ZMAT5: variants seen among roughly 807,000 people sequenced by gnomAD.
The protein encoded by ZMAT5 is zinc finger matrin-type protein 5.
A neutral mutation model predicts 28.0 loss-of-function variants in ZMAT5; 23 were observed. The ratio of observed to expected loss-of-function variants is 0.82; its 90% CI spans 0.59 to 1.16. ZMAT5 has a LOEUF of 1.16. Ranked by LOEUF, ZMAT5 falls within the 50% of genes most tolerant of loss-of-function variation. The probability of loss-of-function intolerance (pLI) is 0.00; values close to 1 mark genes in which losing one functional copy is unlikely to be tolerated. For missense variants in ZMAT5, 173 were observed against 212.7 expected (o/e 0.81, Z 1.16); for synonymous variants, 76 against 84.1 (o/e 0.90, Z 0.52).
intron 5 of ZMAT5, 35 bp downstream of exon 5, chr22:29,738,295 G>A (rs756869229): frequency 6.3e-7 from 1 of 1,588,196 alleles, no homozygotes; most frequent in Non-Finnish European, 8.6e-7. Flanking sequence ...TTGCCCCCAG[G>A]GGGCACAGCG....
intron 5 of ZMAT5, among the ~76,000 whole-genome samples, chr22:29,736,150 G>A (rs2067902191): frequency 6.6e-6 from 1 of 152,230 alleles, no homozygotes; most frequent in South Asian, 2.1e-4. Context: ...AGCTTTCTGG[G>A]CAGCCTCCAA....
intron 1 of ZMAT5, among the ~76,000 whole-genome samples, chr22:29,762,469 A>G (rs1260710714): frequency 1.3e-5 from 2 of 152,232 alleles, no homozygotes; most frequent in African/African-American, 4.8e-5. Flanking sequence ...CATTGCTCGC[A>G]TTACCGCCTG....
intron 1 of ZMAT5, among the ~76,000 whole-genome samples, chr22:29,752,197 G>A (rs937595501): frequency 2.0e-5 from 3 of 152,168 alleles, no homozygotes; most frequent in African/African-American, 2.4e-5. Flanking sequence ...GGTCTGCCAG[G>A]AAAGCCTGTC....
Position 29,758,116 on chromosome 22 carries a change from G to A in ZMAT5, c.-28+8756C>T, listed in dbSNP as rs567828099. Among the ~76,000 whole-genome samples, 506 of 152,246 alleles carry A rather than the reference G, an allele frequency of 3.3e-3. 2 individuals are homozygous for A. Among genetic ancestry groups the A allele is most frequent in the Non-Finnish European group, 4.6e-3 (314 of 68,032 alleles). Reference sequence around the variant, plus strand: ...GCCACACTGTGAGCAGCCCTGCAGGGTGGCCCACGTGGCAAGGAACTGAGA... The same window carrying A: ...GCCACACTGTGAGCAGCCCTGCAGGATGGCCCACGTGGCAAGGAACTGAGA... On this transcript the variant is annotated intron_variant, in intron 1 of 5. Transcript: ENST00000344318.
At chr22:29,735,434 C>T (rs1296294922) in intron 5 of ZMAT5, among the ~76,000 whole-genome samples, 1 of 152,188 alleles carries the variant, frequency 6.6e-6, no homozygotes, top group Non-Finnish European at 1.5e-5. Context: ...AGACCCCCTA[C>T]AGCCAAGGTG....
chr22:29,733,823 C>T (rs2067877647), intron 5 of ZMAT5, among the ~76,000 whole-genome samples: 1 of 152,220 alleles, frequency 6.6e-6, no homozygotes, highest in Non-Finnish European at 1.5e-5. Flanking sequence ...CCCTGCCTGC[C>T]CTGAGGTCCC....
chr22:29,745,848 T>A (rs1055739031), intron 2 of ZMAT5, among the ~76,000 whole-genome samples: 3 of 152,246 alleles, frequency 2.0e-5, no homozygotes, highest in Non-Finnish European at 4.4e-5. Flanking sequence ...GTCCCTGCGG[T>A]TGCTCAGAGT....
chr22:29,741,265 TG>T (rs1244255675), intron 3 of ZMAT5, among the ~76,000 whole-genome samples: 2 of 152,132 alleles, frequency 1.3e-5, no homozygotes, highest in African/African-American at 4.8e-5. Context: ...GAGACCAAAA[TG>T]TATGTCGAGA....
chr22:29,738,206 G>C (rs2067925305), intron 5 of ZMAT5, 124 bp downstream of exon 5: 2 of 908,848 alleles, frequency 2.2e-6, no homozygotes, highest in Non-Finnish European at 3.3e-6. Context: ...GCTATGTGTA[G>C]GCAACTTTAT....
At chr22:29,733,905 CAAAGCCT>C (rs1036081438) in intron 5 of ZMAT5, among the ~76,000 whole-genome samples, 10 of 152,228 alleles carry the variant, frequency 6.6e-5, no homozygotes, top group African/African-American at 2.4e-4. Flanking sequence ...ACACGTGAGC[CAAAGCCT>C]TGGGGACATT....
At chr22:29,738,888 G>T (rs562885894) in intron 4 of ZMAT5, among the ~76,000 whole-genome samples, 1 of 152,186 alleles carries the variant, frequency 6.6e-6, no homozygotes, top group African/African-American at 2.4e-5. Context: ...GTGGGTGCCT[G>T]TAATCCCAGC....
At chr22:29,764,094 T>C (rs1383209972) in intron 1 of ZMAT5, among the ~76,000 whole-genome samples, 1 of 151,602 alleles carries the variant, frequency 6.6e-6, no homozygotes, top group Non-Finnish European at 1.5e-5. Flanking sequence ...CCAGGAATTA[T>C]GTGCCACTGT....
At position 29,738,390 on chromosome 22, in the gene ZMAT5, C is replaced by A. The variant is rs1217044407; in HGVS notation, c.323G>T (p.Gly108Val). ...CTTCTCCAGCCAGTCCTCCAGATGG[C>A]CCTCGGGGAGCTCAGGAGCATCTAG... ...WLLDAPELPE[G>V]HLEDWLEKRA... is the part of the protein sequence containing the mutation. The change falls in exon 5 of 6, where the codon GGC (glycine) becomes GTC (valine). Residue 108 changes from glycine to valine, a missense_variant. Coordinates refer to ENST00000344318, the MANE Select transcript of ZMAT5 (RefSeq NM_001003692.2). 6.2e-7 allele frequency: 1 copy of A among 1,610,226 alleles called. No homozygotes were observed.
chr22:29,755,379 G>GAA (rs1195889734), intron 1 of ZMAT5, among the ~76,000 whole-genome samples: 1 of 144,736 alleles, frequency 6.9e-6, no homozygotes, highest in Non-Finnish European at 1.5e-5. Context: ...GAGAGAGAGA[G>GAA]AGAGAAAGAA....
At chr22:29,735,186 G>A (rs1308529822) in intron 5 of ZMAT5, among the ~76,000 whole-genome samples, 1 of 152,210 alleles carries the variant, frequency 6.6e-6, no homozygotes, top group Non-Finnish European at 1.5e-5. Context: ...GGCTTCAGGA[G>A]ACCAGCCTGC....
intron 1 of ZMAT5, among the ~76,000 whole-genome samples, chr22:29,763,551 G>A (rs1268794414): frequency 4.0e-5 from 6 of 151,802 alleles, no homozygotes; most frequent in African/African-American, 9.7e-5. Context: ...GCAGTGAGCC[G>A]AGATGGTGCC....
At chr22:29,752,130 G>GT (rs1319077780) in intron 1 of ZMAT5, among the ~76,000 whole-genome samples, 3 of 152,046 alleles carry the variant, frequency 2.0e-5, no homozygotes, top group Non-Finnish European at 4.4e-5. Context: ...TGCCATGAGG[G>GT]GCCCCAGCTC....
intron 1 of ZMAT5, among the ~76,000 whole-genome samples, chr22:29,765,766 G>A (rs957281694): frequency 2.0e-5 from 3 of 152,244 alleles, no homozygotes; most frequent in African/African-American, 7.2e-5. Flanking sequence ...CACTCGGGAG[G>A]CTGAAGCAGG....
intron 1 of ZMAT5, among the ~76,000 whole-genome samples, chr22:29,750,823 A>G (rs1342242973): frequency 6.6e-6 from 1 of 152,188 alleles, no homozygotes. Context: ...CTGGGGAGAG[A>G]CACAGAGACA....
Sources: gnomAD v4.1 joint callset for allele counts (sites outside exome capture counted in the v4.1 genomes callset) on GRCh38, gnomAD v4.1.1 for gene constraint, MANE v1.5 for transcripts, NCBI Gene and HGNC (gene_info 2026-07-23, HGNC 2026-07-21) for gene names.